The following SLAIN2 variants were observed in gnomAD, a reference collection of about 807,000 sequenced individuals.
SLAIN2 encodes SLAIN motif-containing protein 2.
SLAIN2 carries 31 observed loss-of-function variants against 56.6 expected under a neutral mutation model. The ratio of observed to expected loss-of-function variants is 0.55; its 90% CI spans 0.41 to 0.74. The LOEUF (loss-of-function observed/expected upper bound fraction) is 0.74, where lower values mean the gene tolerates loss of function less well. Ranked by LOEUF, SLAIN2 falls within the 30% of genes least tolerant of loss-of-function variation. The pLI is 0.00. For missense variants in SLAIN2, 777 were observed against 754.2 expected (o/e 1.03, Z -0.35); for synonymous variants, 317 against 284.9 (o/e 1.11, Z -1.13).
intron 6 of SLAIN2, among the ~76,000 whole-genome samples, chr4:48,414,662 T>C (rs1716953045): frequency 1.6e-5 from 2 of 127,784 alleles, no homozygotes; most frequent in African/African-American, 3.0e-5. Flanking sequence ...CACCCACTAA[T>C]GTGTCATCTA....
At chr4:48,404,985 TTCTC>T (rs1183249045) in intron 6 of SLAIN2, among the ~76,000 whole-genome samples, 1 of 152,234 alleles carries the variant, frequency 6.6e-6, no homozygotes, top group East Asian at 1.9e-4. Flanking sequence ...GTTAAAGTAT[TTCTC>T]TCCATATCTT....
At chr4:48,412,757 A>C (rs1716896023) in intron 6 of SLAIN2, among the ~76,000 whole-genome samples, 1 of 152,204 alleles carries the variant, frequency 6.6e-6, no homozygotes, top group Admixed American at 6.5e-5. Flanking sequence ...CTTACAAAAT[A>C]ATAGTCGTGT....
intron 6 of SLAIN2, among the ~76,000 whole-genome samples, chr4:48,395,291 A>T (rs1716347061): frequency 6.6e-6 from 1 of 152,200 alleles, no homozygotes; most frequent in Non-Finnish European, 1.5e-5. Context: ...AGAGGCCTCA[A>T]AGGAAATGGT....
At chr4:48,375,885 CCT>C (rs965077667) in intron 2 of SLAIN2, among the ~76,000 whole-genome samples, 4 of 152,236 alleles carry the variant, frequency 2.6e-5, no homozygotes, top group African/African-American at 7.2e-5. Flanking sequence ...TACTACTCAT[CCT>C]CTCAAGACTG....
chr4:48,410,609 T>A (rs1716821100), intron 6 of SLAIN2, among the ~76,000 whole-genome samples: 1 of 152,182 alleles, frequency 6.6e-6, no homozygotes, highest in Admixed American at 6.5e-5. Context: ...TCTGCAGCCC[T>A]TCCCTTCCCC....
chr4:48,374,476 G>A (rs1219026913), intron 2 of SLAIN2, among the ~76,000 whole-genome samples: 1 of 152,156 alleles, frequency 6.6e-6, no homozygotes, highest in Non-Finnish European at 1.5e-5. Context: ...CTGAGCTCAA[G>A]TGATCCACCT....
At chr4:48,406,522 T>G (rs922818009) in intron 6 of SLAIN2, among the ~76,000 whole-genome samples, 1 of 116,934 alleles carries the variant, frequency 8.6e-6, no homozygotes, top group African/African-American at 2.9e-5. Flanking sequence ...ATGCTCTCTC[T>G]CTCTTTTTTT....
intron 6 of SLAIN2, chr4:48,394,535 G>T: frequency 6.8e-7 from 1 of 1,475,872 alleles, no homozygotes. Flanking sequence ...CCTTTGTCTT[G>T]TACTTCCAGG....
Position 48,341,573 on chromosome 4 carries a change from G to C in SLAIN2, c.-167G>C. On this transcript the variant is annotated 5_prime_UTR_variant, in exon 1 of 8. Transcript: ENST00000264313. ...ATGAGGCAGTTCGGCTGGGGCCAGC[G>C]GCGCTTTGGAACCCGAGGTGGGGGG... 2 of 1,090,816 alleles carry C rather than the reference G, an allele frequency of 1.8e-6. No homozygotes were observed. Among genetic ancestry groups the C allele is most frequent in the Non-Finnish European group, 2.5e-6 (2 of 815,244 alleles). The allele number at this position is 1,090,816 out of a possible 1,614,324, so 67.6% of individuals were successfully genotyped here. A position where few individuals can be genotyped will look rare whatever the true frequency, so the allele number is the denominator to read the frequency against.
chr4:48,398,199 T>G (rs1199910006), intron 6 of SLAIN2, among the ~76,000 whole-genome samples: 1 of 152,204 alleles, frequency 6.6e-6, no homozygotes, highest in South Asian at 2.1e-4. Context: ...CTGACTGGTG[T>G]GAGATGGTAT....
In SLAIN2 at chr4:48,420,372, G is replaced by A; in HGVS notation, c.1608G>A (p.Leu536=). The A allele has an allele frequency of 6.2e-7, 1 of 1,613,714 alleles. No homozygotes were observed. The highest frequency in any genetic ancestry group is 8.5e-7 in the Non-Finnish European group (1 of 1,179,834). The part of the protein sequence containing the change: ...PAGTTAMRSG[L]PRPSAPSAGG... Reference sequence around the variant, plus strand: ...GGACAACTGCAATGAGAAGTGGCTTGCCCAGACCCAGTGCCCCTTCTGCTG... The same window carrying A: ...GGACAACTGCAATGAGAAGTGGCTTACCCAGACCCAGTGCCCCTTCTGCTG... Residue 536 remains leucine, a synonymous_variant, in exon 7 of 8, where the codon TTG becomes TTA. Coordinates refer to ENST00000264313, the MANE Select transcript of SLAIN2 (RefSeq NM_020846.2).
At chr4:48,370,386 CTTG>C (rs1324633635) in intron 2 of SLAIN2, among the ~76,000 whole-genome samples, 1 of 152,124 alleles carries the variant, frequency 6.6e-6, no homozygotes, top group African/African-American at 2.4e-5. Context: ...CTACAGAGAC[CTTG>C]TTCTCACTCT....
chr4:48,343,658 A>AGTCT (rs1173483358), intron 1 of SLAIN2, among the ~76,000 whole-genome samples: 1 of 152,232 alleles, frequency 6.6e-6, no homozygotes, highest in African/African-American at 2.4e-5. Flanking sequence ...GGTGGCTTGG[A>AGTCT]GTCTGAAAGT....
intron 1 of SLAIN2, among the ~76,000 whole-genome samples, chr4:48,362,732 C>CTTTTTTTTTTTTTTTTATTTTTTTT (rs397716685): frequency 8.6e-6 from 1 of 116,396 alleles, no homozygotes; most frequent in African/African-American, 3.3e-5. Flanking sequence ...TTTTAAATTT[C>CTTTTTTTTTTTTTTTTATTTTTTTT]TTTTTTTTTT....
chr4:48,343,559 A>G (rs1028339376), intron 1 of SLAIN2, among the ~76,000 whole-genome samples: 1 of 152,204 alleles, frequency 6.6e-6, no homozygotes, highest in African/African-American at 2.4e-5. Flanking sequence ...GAATTACCCA[A>G]AGAGTGATAG....
rs148246711 is a variant in SLAIN2, at chr4:48,371,986, A to G, written c.538+1989A>G. On this transcript the variant is annotated intron_variant, in intron 2 of 7. Transcript: ENST00000264313. Reference sequence around the variant, plus strand: ...AAAAAGTATATACACACACACACACACACGCGCGCACACACACACACACAC... The same window carrying G: ...AAAAAGTATATACACACACACACACGCACGCGCGCACACACACACACACAC... Among the ~76,000 whole-genome samples the G allele has an allele frequency of 3.1e-3, 362 of 116,646 alleles. 1 individual carries two copies. Among genetic ancestry groups the G allele is most frequent in the Middle Eastern group, 8.5e-3 (2 of 236 alleles). 76.5% of individuals were successfully genotyped at this position (116,646 alleles called of 152,430 possible).
chr4:48,394,969 A>C (rs1716340537), intron 6 of SLAIN2, among the ~76,000 whole-genome samples: 1 of 152,194 alleles, frequency 6.6e-6, no homozygotes, highest in South Asian at 2.1e-4. Context: ...AAAATGAACC[A>C]AATGTCAGAC....
intron 1 of SLAIN2, among the ~76,000 whole-genome samples, chr4:48,349,661 C>T (rs568810204): frequency 2.8e-4 from 42 of 152,144 alleles, no homozygotes; most frequent in Admixed American, 5.2e-4. Flanking sequence ...TTAAAAAATC[C>T]TATTGATAAA....
chr4:48,403,688 C>G (rs760754558), intron 6 of SLAIN2, among the ~76,000 whole-genome samples: 1 of 152,272 alleles, frequency 6.6e-6, no homozygotes, highest in African/African-American at 2.4e-5. Context: ...TGTGAGGTGC[C>G]GTGGGAATGG....
Sources: gnomAD v4.1 joint callset for allele counts (sites outside exome capture counted in the v4.1 genomes callset) on GRCh38, gnomAD v4.1.1 for gene constraint, MANE v1.5 for transcripts, NCBI Gene and HGNC (gene_info 2026-07-23, HGNC 2026-07-21) for gene names.